Variants in PYGB observed in about 807,000 individuals in gnomAD.
The protein encoded by PYGB is glycogen phosphorylase B.
A neutral mutation model predicts 94.3 loss-of-function variants in PYGB; 82 were observed. The ratio of observed to expected loss-of-function variants is 0.87; its 90% CI spans 0.73 to 1.04. The LOEUF is 1.04. PYGB is among the 50% of genes least tolerant of loss of function. The pLI is 0.00. For synonymous variants in PYGB, 488 were observed against 479.1 expected (o/e 1.02, Z -0.24); for missense variants, 1,132 against 1,158.2 (o/e 0.98, Z 0.33).
At position 25,278,313 on chromosome 20, in the gene PYGB, G is replaced by C; in HGVS notation, c.856-6G>C. 1 of 1,384,306 alleles carries C rather than the reference G, an allele frequency of 7.2e-7. No individual in the cohort carries two copies. Among genetic ancestry groups the C allele is most frequent in the African/African-American group, 2.9e-5 (1 of 34,994 alleles). The allele number at this position is 1,384,306 out of a possible 1,614,324, so 85.8% of individuals were successfully genotyped here. On this transcript the variant is annotated splice_region_variant and splice_polypyrimidine_tract_variant and intron_variant, in intron 7 of 19. Transcript: ENST00000216962. Reference sequence around the variant, plus strand: ...TGCACCCTCCAGCTTGCTCTGCTGTGTGCAGTTCTTTGAGGGGAAGGAGCT... The same window carrying C: ...TGCACCCTCCAGCTTGCTCTGCTGTCTGCAGTTCTTTGAGGGGAAGGAGCT...
chr20:25,278,914 C>T, intron 8 of PYGB, 143 bp from the exon 9 acceptor site: 2 of 760,010 alleles, frequency 2.6e-6, no homozygotes, highest in Non-Finnish European at 4.2e-6. Context: ...GCTCCCTCCA[C>T]AGAACCCCTC....
intron 5 of PYGB, among the ~76,000 whole-genome samples, chr20:25,276,013 C>T (rs2088307900): frequency 6.6e-6 from 1 of 152,206 alleles, no homozygotes; most frequent in African/African-American, 2.4e-5. Context: ...TGAGCCTCAG[C>T]TTTGTGAGCC....
intron 1 of PYGB, among the ~76,000 whole-genome samples, chr20:25,251,985 C>T (rs931868292): frequency 5.3e-5 from 8 of 152,166 alleles, no homozygotes; most frequent in Admixed American, 3.3e-4. Flanking sequence ...CTCTGTGATC[C>T]CCACTTCTGG....
chr20:25,262,618 C>T (rs2092916080), intron 2 of PYGB, among the ~76,000 whole-genome samples: 1 of 151,950 alleles, frequency 6.6e-6, no homozygotes, highest in Non-Finnish European at 1.5e-5. Context: ...ATCAAATTCA[C>T]ATATAACAAT....
Position 25,278,438 on chromosome 20 carries a change from C to G in PYGB, c.975C>G (p.Thr325=). 6.2e-7 allele frequency: 1 copy of G among 1,614,202 alleles called. No individual in the cohort carries two copies. The highest frequency in any genetic ancestry group is 1.1e-5 in the South Asian group (1 of 91,080). ...TCGGCTGCCGGGACCCTGTGAGAAC[C>G]TGTTTCGAGACGTTCCCAGACAAGG... ...SKFGCRDPVR[T]CFETFPDKVA... is the part of the protein sequence containing the mutation. The change falls in exon 8 of 20, where the codon ACC becomes ACG. Residue 325 remains threonine (T), a synonymous_variant. Coordinates refer to ENST00000216962, the MANE Select transcript of PYGB (RefSeq NM_002862.4).
At chr20:25,269,809 C>T (rs1330099442) in intron 3 of PYGB, among the ~76,000 whole-genome samples, 3 of 152,218 alleles carry the variant, frequency 2.0e-5, no homozygotes, top group Non-Finnish European at 4.4e-5. Context: ...CATCTCCAAG[C>T]TGGAGACTGT....
Position 25,294,276 on chromosome 20 carries a change from C to T in PYGB, c.2296C>T (p.Leu766=). The T allele has an allele frequency of 7.3e-7, 1 of 1,367,844 alleles. No homozygotes were observed. Among genetic ancestry groups the T allele is most frequent in the Non-Finnish European group, 9.8e-7 (1 of 1,023,688 alleles). The allele number at this position is 1,367,844 out of a possible 1,614,324, so 84.7% of individuals were successfully genotyped here. A position where few individuals can be genotyped will look rare whatever the true frequency, so the allele number is the denominator to read the frequency against. ...PDCFKDIVNM[L]MHHDRFKVFA... ...CTGCTTCAAGGACATCGTGAACATGCTGATGCACCATGACAGGTGGGACCG... is the reference window on the plus strand; with the variant it reads ...CTGCTTCAAGGACATCGTGAACATGTTGATGCACCATGACAGGTGGGACCG... The change falls in exon 18 of 20, where the codon CTG becomes TTG. Residue 766 remains leucine (L), a synonymous_variant. Coordinates refer to ENST00000216962, the MANE Select transcript of PYGB (RefSeq NM_002862.4).
chr20:25,250,017 T>G (rs891453243), intron 1 of PYGB, among the ~76,000 whole-genome samples: 5 of 152,106 alleles, frequency 3.3e-5, no homozygotes, highest in Non-Finnish European at 5.9e-5. Context: ...GCCCGGCTAA[T>G]TTTTTGTATC....
At chr20:25,259,717 A>G (rs1413712559) in intron 2 of PYGB, among the ~76,000 whole-genome samples, 1 of 152,148 alleles carries the variant, frequency 6.6e-6, no homozygotes. Flanking sequence ...TCCACCCCTG[A>G]GATGACCTCC....
intron 5 of PYGB, 91 bp downstream of exon 5, chr20:25,274,814 T>TGGG (rs2088296767): frequency 1.3e-6 from 2 of 1,513,452 alleles, no homozygotes; most frequent in Admixed American, 4.1e-5. Flanking sequence ...TCTTTTGGCT[T>TGGG]GGGGGGCTTG....
intron 3 of PYGB, 98 bp from the exon 4 acceptor site, chr20:25,271,285 C>T: frequency 2.8e-6 from 3 of 1,085,274 alleles, no homozygotes; most frequent in Non-Finnish European, 4.2e-6. Context: ...TCAGTGTGAT[C>T]CCCTCTGAAT....
chr20:25,296,580 C>T lies in PYGB; in HGVS notation c.*58C>T. ...TTGTTTTCTTGCTGACTTTGCACCT[C>T]CTTTTTTCCCCAAACACTTTGCCAG... On this transcript the variant is annotated 3_prime_UTR_variant, in exon 20 of 20. Coordinates refer to ENST00000216962, the MANE Select transcript of PYGB (RefSeq NM_002862.4). 1.3e-6 allele frequency: 2 copies of T among 1,553,338 alleles called. No homozygotes were observed. Among genetic ancestry groups the T allele is most frequent in the Non-Finnish European group, 1.7e-6 (2 of 1,149,794 alleles).
intron 5 of PYGB, among the ~76,000 whole-genome samples, chr20:25,276,093 GAGAGGGAGCCAGGCTGGGGT>G (rs2088308517): frequency 6.6e-6 from 1 of 152,182 alleles, no homozygotes; most frequent in South Asian, 2.1e-4. Flanking sequence ...TTGTCAAGGA[GAGAGGGAGCCAGGCTGGGGT>G]GGAGGGAGCG....
intron 1 of PYGB, among the ~76,000 whole-genome samples, chr20:25,256,733 A>G (rs2092903540): frequency 6.6e-6 from 1 of 152,224 alleles, no homozygotes; most frequent in South Asian, 2.1e-4. Context: ...TGAGCAGGGA[A>G]GCCCTGTTCA....
At chr20:25,267,605 A>G (rs1033614025) in intron 2 of PYGB, among the ~76,000 whole-genome samples, 30 of 152,096 alleles carry the variant, frequency 2.0e-4, no homozygotes, top group African/African-American at 7.2e-4. Context: ...ATCACGGCTC[A>G]CTGTAGCCTC....
At chr20:25,279,307 C>T (rs551887794) in intron 9 of PYGB, among the ~76,000 whole-genome samples, 158 bp downstream of exon 9, 5 of 152,140 alleles carry the variant, frequency 3.3e-5, no homozygotes, top group Admixed American at 6.5e-5. Flanking sequence ...GGGTCTGGTT[C>T]CAGGAGACGG....
intron 12 of PYGB, 87 bp downstream of exon 12, chr20:25,282,234 G>A (rs773899826): frequency 2.4e-5 from 26 of 1,064,808 alleles, no homozygotes; most frequent in Non-Finnish European, 3.5e-5. Flanking sequence ...AGCGGTTGCT[G>A]AGTAGGCAGG....
At chr20:25,290,696 T>G (rs1482717926) in intron 16 of PYGB, 74 bp downstream of exon 16, 10 of 1,557,406 alleles carry the variant, frequency 6.4e-6, no homozygotes, top group African/African-American at 1.4e-5. Flanking sequence ...GCCCCGGGCC[T>G]TTCATCCTCA....
chr20:25,283,074 G>C, intron 12 of PYGB, 102 bp from the exon 13 acceptor site: 1 of 979,652 alleles, frequency 1.0e-6, no homozygotes, highest in Non-Finnish European at 1.6e-6. Context: ...GATCCCAGGG[G>C]AAAGCAGGGG....
Sources: gnomAD v4.1 joint callset for allele counts (sites outside exome capture counted in the v4.1 genomes callset) on GRCh38, gnomAD v4.1.1 for gene constraint, MANE v1.5 for transcripts, NCBI Gene and HGNC (gene_info 2026-07-23, HGNC 2026-07-21) for gene names.